HIP1: variants seen among roughly 807,000 people sequenced by gnomAD.
HIP1 encodes the protein huntingtin interacting protein 1.
A neutral mutation model predicts 147.6 loss-of-function variants in HIP1; 65 were observed. That is an observed-to-expected ratio of 0.44 (90% CI 0.36 to 0.54). HIP1 has a LOEUF of 0.54. Ranked by LOEUF, HIP1 falls within the 20% of genes least tolerant of loss-of-function variation. The pLI, the probability that HIP1 is intolerant of heterozygous loss-of-function variation, is 0.00. For synonymous variants in HIP1, 479 were observed against 504.0 expected, an observed-to-expected ratio of 0.95 and a Z score of 0.67; for missense variants, 1,061 against 1,299.6, an observed-to-expected ratio of 0.82 and a Z score of 2.82.
chr7:75,559,175 G>T (rs587726846), intron 14 of HIP1, among the ~76,000 whole-genome samples: 18 of 152,270 alleles, frequency 1.2e-4, no homozygotes, highest in African/African-American at 3.8e-4. Flanking sequence ...GGAGTGCAGT[G>T]GTGCAATCAG....
intron 1 of HIP1, among the ~76,000 whole-genome samples, chr7:75,660,660 C>T (rs1230612460): frequency 1.3e-5 from 2 of 152,186 alleles, no homozygotes; most frequent in East Asian, 1.9e-4. Context: ...ACTATCAAGA[C>T]GAATAATGTT....
At chr7:75,584,737 C>T (rs587610057) in intron 5 of HIP1, among the ~76,000 whole-genome samples, 2 of 152,230 alleles carry the variant, frequency 1.3e-5, no homozygotes, top group South Asian at 4.1e-4. Flanking sequence ...CCATCCCAGT[C>T]CTCTTCCTCC....
chr7:75,611,651 G>A (rs1797442660), intron 1 of HIP1: 2 of 1,020,626 alleles, frequency 2.0e-6, no homozygotes, highest in African/African-American at 3.4e-5. Flanking sequence ...GGCAGTGCGG[G>A]GCTGGGTGTC....
intron 1 of HIP1, among the ~76,000 whole-genome samples, chr7:75,666,988 A>G (rs1380951761): frequency 6.6e-6 from 1 of 152,110 alleles, no homozygotes; most frequent in Admixed American, 6.6e-5. Context: ...AAATATATAT[A>G]TGTATATATG....
chr7:75,573,750 G>C lies in HIP1; in HGVS notation c.745+11C>G. 6.2e-7 allele frequency: 1 copy of C among 1,612,298 alleles called. No homozygotes were observed. The highest frequency in any genetic ancestry group is 8.5e-7 in the Non-Finnish European group (1 of 1,178,538). Reference sequence around the variant, plus strand: ...AATCTCATGTAAGAAGATCTGGCCCGCGGTACTCACAGGAGTGGAGTTTGA... The same window carrying C: ...AATCTCATGTAAGAAGATCTGGCCCCCGGTACTCACAGGAGTGGAGTTTGA... On this transcript the variant is annotated intron_variant, in intron 8 of 30. Coordinates refer to ENST00000336926, the MANE Select transcript of HIP1 (RefSeq NM_005338.7).
intron 1 of HIP1, among the ~76,000 whole-genome samples, chr7:75,608,179 G>C (rs1253328647): frequency 6.6e-6 from 1 of 152,082 alleles, no homozygotes; most frequent in African/African-American, 2.4e-5. Context: ...GTGGTGGTGG[G>C]CACCTGTAAT....
At chr7:75,712,387 A>C (rs1484482019) in intron 1 of HIP1, among the ~76,000 whole-genome samples, 1 of 152,178 alleles carries the variant, frequency 6.6e-6, no homozygotes, top group Non-Finnish European at 1.5e-5. Flanking sequence ...AAAACTTGAG[A>C]TGCCCAAATG....
intron 7 of HIP1, among the ~76,000 whole-genome samples, chr7:75,579,150 C>T (rs1795949396): frequency 6.6e-6 from 1 of 152,080 alleles, no homozygotes; most frequent in Non-Finnish European, 1.5e-5. Context: ...AATGCATCTA[C>T]ACCACTGCTT....
rs587638329 is a variant in HIP1 at position 75,607,839 on chromosome 7, C to T, written c.121-8592G>A. 3.9e-5 allele frequency among the ~76,000 whole-genome samples: 6 copies of T among 152,166 alleles called. No individual in the cohort carries two copies. In the South Asian group the frequency reaches 8.3e-4, roughly 21 times the overall value. On this transcript the variant is annotated intron_variant, in intron 1 of 30. Coordinates refer to ENST00000336926, the MANE Select transcript of HIP1 (RefSeq NM_005338.7). The stretch of plus-strand genomic sequence containing the variant: ...AAGCTCAGGCTCAGGATCACAACCT[C>T]GGCACTAGACAAGGCCCTCTACACC...
chr7:75,738,390 T>A (rs569160323), intron 1 of HIP1, among the ~76,000 whole-genome samples: 2 of 152,184 alleles, frequency 1.3e-5, no homozygotes, highest in South Asian at 4.1e-4. Context: ...ACCCTTCACA[T>A]TCCCAGCCCG....
At chr7:75,702,898 T>A (rs969961143) in intron 1 of HIP1, among the ~76,000 whole-genome samples, 2 of 152,092 alleles carry the variant, frequency 1.3e-5, no homozygotes, top group African/African-American at 4.8e-5. Flanking sequence ...CATTAACCTA[T>A]TCATGAGGTA....
At chr7:75,715,270 A>C (rs1801280085) in intron 1 of HIP1, among the ~76,000 whole-genome samples, 1 of 152,008 alleles carries the variant, frequency 6.6e-6, no homozygotes, top group Admixed American at 6.6e-5. Context: ...GTGTGCCTGT[A>C]GTTCCAGCGA....
Position 75,573,768 on chromosome 7 carries a change from G to C in HIP1, c.738C>G (p.Leu246=). ...YDYTVKLLFK[L]HSCLPADTLQ... ...CTGGCCCGCGGTACTCACAGGAGTGGAGTTTGAAGAGAAGCTTGACAGTGT... is the reference window on the plus strand; with the variant it reads ...CTGGCCCGCGGTACTCACAGGAGTGCAGTTTGAAGAGAAGCTTGACAGTGT... The change falls in exon 8 of 31, where the codon CTC becomes CTG. Residue 246 remains leucine (L), a synonymous_variant. Transcript: ENST00000336926. 2 of 1,614,052 alleles carry C rather than the reference G, an allele frequency of 1.2e-6. No individual in the cohort carries two copies. The highest frequency in any genetic ancestry group is 1.1e-5 in the South Asian group (1 of 91,082).
At chr7:75,612,731 C>T (rs1554505286) in intron 1 of HIP1, among the ~76,000 whole-genome samples, 1 of 151,938 alleles carries the variant, frequency 6.6e-6, no homozygotes, top group East Asian at 1.9e-4. Flanking sequence ...ATCGCTTGAA[C>T]CCAGGAGATG....
chr7:75,595,251 TCTTC>T (rs1554501696), intron 2 of HIP1, among the ~76,000 whole-genome samples: 4,572 of 58,616 alleles, frequency 0.078, 412 homozygotes, highest in East Asian at 0.2. Context: ...TTTCTTTCTT[TCTTC>T]CTTCCTTCCT....
intron 8 of HIP1, among the ~76,000 whole-genome samples, chr7:75,571,718 G>A (rs1554496663): frequency 6.6e-6 from 1 of 152,128 alleles, no homozygotes; most frequent in Non-Finnish European, 1.5e-5. Context: ...AGGTAGCTGG[G>A]ACTACAGGCG....
chr7:75,577,928 AG>A (rs1795902794), intron 7 of HIP1, among the ~76,000 whole-genome samples: 1 of 152,170 alleles, frequency 6.6e-6, no homozygotes, highest in Admixed American at 6.6e-5. Context: ...TGAGCCTGGG[AG>A]GCGGAGGTTG....
chr7:75,553,366 C>T, intron 22 of HIP1, 87 bp downstream of exon 22: 5 of 1,485,394 alleles, frequency 3.4e-6, no homozygotes, highest in African/African-American at 1.4e-5. Flanking sequence ...AAAGAACTAG[C>T]TCAGAACATC....
chr7:75,584,778 C>T (rs1412531161), intron 5 of HIP1, among the ~76,000 whole-genome samples: 2 of 152,090 alleles, frequency 1.3e-5, no homozygotes, highest in Non-Finnish European at 2.9e-5. Context: ...GCTTTCTCTA[C>T]ACCCTCCTTT....
Sources: allele counts gnomAD v4.1 joint callset (sites outside exome capture counted in the v4.1 genomes callset), GRCh38; gene constraint gnomAD v4.1.1; transcripts MANE v1.5; gene names NCBI Gene and HGNC (gene_info 2026-07-23, HGNC 2026-07-21).